SMOC1: variants seen among roughly 807,000 people sequenced by gnomAD.
SMOC1 encodes the protein SPARC-related modular calcium-binding protein 1.
In SMOC1, 22 loss-of-function variants were observed where a neutral mutation model predicts 56.3. The ratio of observed to expected loss-of-function variants is 0.39; its 90% CI spans 0.28 to 0.56. The LOEUF (loss-of-function observed/expected upper bound fraction) is 0.56, where lower values mean the gene tolerates loss of function less well. Among genes scored for constraint, SMOC1 ranks in the 20% least tolerant of loss-of-function variants. The probability of loss-of-function intolerance (pLI) is 0.61; values close to 1 mark genes in which losing one functional copy is unlikely to be tolerated. For synonymous variants in SMOC1, 193 were observed against 215.0 expected (o/e 0.90, Z 0.89); for missense variants, 509 against 565.4 (o/e 0.90, Z 1.01).
intron 3 of SMOC1, among the ~76,000 whole-genome samples, chr14:69,966,948 T>C (rs1201212792): frequency 6.6e-6 from 1 of 152,252 alleles, no homozygotes; most frequent in Non-Finnish European, 1.5e-5. Context: ...TCTTTCCATC[T>C]GGCCTCCTTC....
At chr14:69,922,943 T>TTTTTTTTG (rs1884889123) in intron 1 of SMOC1, among the ~76,000 whole-genome samples, 1 of 151,170 alleles carries the variant, frequency 6.6e-6, no homozygotes, top group African/African-American at 2.4e-5. Context: ...TTTTTTTTGT[T>TTTTTTTTG]TTTTTTGTTT....
chr14:70,022,514 A>G (rs540886628), intron 10 of SMOC1, among the ~76,000 whole-genome samples: 1 of 152,106 alleles, frequency 6.6e-6, no homozygotes, highest in Admixed American at 6.5e-5. Context: ...GGCTGGAGAG[A>G]CTCATCCCCA....
chr14:69,952,144 A>G lies in SMOC1; in HGVS notation c.106A>G (p.Ile36Val). 1 of 1,614,146 alleles carries G rather than the reference A, an allele frequency of 6.2e-7. No homozygotes were observed. Among genetic ancestry groups the G allele is most frequent in the South Asian group, 1.1e-5 (1 of 91,084 alleles). The change falls in exon 2 of 12, where the codon ATA becomes GTA. Residue 36 changes from isoleucine to valine, a missense_variant. Ile to Val is a conservative substitution (Grantham distance 29). This residue lies in a region of SMOC1 where 315 missense variants were observed against 333.1 expected (regional missense o/e 0.95). Coordinates refer to ENST00000361956, the MANE Select transcript of SMOC1 (RefSeq NM_001034852.3). ...TCACTTTTTTCCAACCTAGTTTCTA[A>G]TAAGTGACCGTGACCCACAGTGCAA... Reference protein sequence around the residue: ...GHRTTGPRFLISDRDPQCNLH... With the variant: ...GHRTTGPRFLVSDRDPQCNLH...
chr14:69,966,161 A>G (rs1271372067), intron 3 of SMOC1, among the ~76,000 whole-genome samples: 1 of 152,176 alleles, frequency 6.6e-6, no homozygotes, highest in Non-Finnish European at 1.5e-5. Context: ...CTTATTATGT[A>G]CTTTTTAAAC....
intron 1 of SMOC1, among the ~76,000 whole-genome samples, chr14:69,882,258 G>A (rs1001829171): frequency 6.6e-6 from 1 of 152,122 alleles, no homozygotes; most frequent in East Asian, 1.9e-4. Flanking sequence ...CCCTGTGGGC[G>A]CTCCTAAGTC....
intron 1 of SMOC1, among the ~76,000 whole-genome samples, chr14:69,926,772 A>G (rs1382044399): frequency 6.6e-6 from 1 of 152,204 alleles, no homozygotes; most frequent in Non-Finnish European, 1.5e-5. Context: ...AAGAGCCATA[A>G]TTGGGTGTGG....
At chr14:69,957,694 A>G (rs1234992401) in intron 3 of SMOC1, among the ~76,000 whole-genome samples, 1 of 152,260 alleles carries the variant, frequency 6.6e-6, no homozygotes, top group Non-Finnish European at 1.5e-5. Flanking sequence ...ACATAATAGT[A>G]TAATGAACAT....
intron 1 of SMOC1, among the ~76,000 whole-genome samples, chr14:69,898,493 G>A (rs1269515666): frequency 6.9e-6 from 1 of 145,174 alleles, no homozygotes; most frequent in Non-Finnish European, 1.5e-5. Flanking sequence ...TTTTCTCTTT[G>A]CTTTTCAGTT....
chr14:69,899,733 C>A (rs1884192777), intron 1 of SMOC1, among the ~76,000 whole-genome samples: 1 of 152,178 alleles, frequency 6.6e-6, no homozygotes, highest in South Asian at 2.1e-4. Flanking sequence ...CCCCCTAAGT[C>A]TAGGTGCCCT....
chr14:69,900,480 T>C (rs1361908220), intron 1 of SMOC1, among the ~76,000 whole-genome samples: 1 of 152,240 alleles, frequency 6.6e-6, no homozygotes. Flanking sequence ...ACAGCACTTA[T>C]AACACTTATC....
In SMOC1 at chr14:69,908,194, A is replaced by AGAC. The variant is rs1295556417; in HGVS notation, c.99+28417_99+28418insGAC. On this transcript the variant is annotated intron_variant, in intron 1 of 11. Coordinates refer to ENST00000361956, the MANE Select transcript of SMOC1 (RefSeq NM_001034852.3). Reference sequence around the variant, plus strand: ...ATTGTAGAGACCCATTTTGTAAAGGACCAATATGCACAGAAAAAAGAGTAC... The same window carrying AGAC: ...ATTGTAGAGACCCATTTTGTAAAGGAGACCCAATATGCACAGAAAAAAGAGTAC... 2.2e-3 allele frequency among the ~76,000 whole-genome samples: 335 copies of AGAC among 152,338 alleles called. 1 individual carries two copies. The highest frequency in any genetic ancestry group is 7.6e-3 in the African/African-American group (318 of 41,578).
In SMOC1 at chr14:70,004,849, A is replaced by T. The variant is rs1252024652; in HGVS notation, c.665-5905A>T. Among the ~76,000 whole-genome samples, 9 of 152,310 alleles carry T rather than the reference A, an allele frequency of 5.9e-5. No homozygotes were observed. In the East Asian group the frequency reaches 1.7e-3, roughly 29 times the overall value. ...TTCTGTTGGTTCTCTTTCTCTGCAG[A>T]ACCCTGAGTGACACAGACCTTCTCT... On this transcript the variant is annotated intron_variant, in intron 7 of 11. Transcript: ENST00000361956.
chr14:69,953,084 G>T (rs1000262109), intron 2 of SMOC1, among the ~76,000 whole-genome samples: 1 of 152,174 alleles, frequency 6.6e-6, no homozygotes, highest in Admixed American at 6.5e-5. Flanking sequence ...CATAAGACAT[G>T]GTTGAGCCCC....
At position 70,010,874 on chromosome 14, in the gene SMOC1, G is replaced by C; in HGVS notation, c.785G>C (p.Cys262Ser). The C allele has an allele frequency of 6.2e-7, 1 of 1,614,044 alleles. No homozygotes were observed. Among genetic ancestry groups the C allele is most frequent in the Non-Finnish European group, 8.5e-7 (1 of 1,180,032 alleles). The change falls in exon 8 of 12, where the codon TGC (cysteine) becomes TCC (serine). Residue 262 changes from cysteine to serine, a missense_variant. Around this residue, in one of 3 missense-constraint regions of SMOC1, gnomAD observed 18 missense variants for 44.2 expected, o/e 0.41. Coordinates refer to ENST00000361956, the MANE Select transcript of SMOC1 (RefSeq NM_001034852.3). Reference protein sequence around the residue: ...APGGLYKPVQCHQSTGYCWCV... With the variant: ...APGGLYKPVQSHQSTGYCWCV... ...GGGGGACTCTATAAGCCAGTGCAATGCCACCAGTCCACTGGCTACTGCTGG... is the reference window on the plus strand; with the variant it reads ...GGGGGACTCTATAAGCCAGTGCAATCCCACCAGTCCACTGGCTACTGCTGG...
chr14:70,002,911 C>T (rs1458551171), intron 7 of SMOC1, among the ~76,000 whole-genome samples: 3 of 152,216 alleles, frequency 2.0e-5, no homozygotes, highest in Non-Finnish European at 4.4e-5. Flanking sequence ...GCTAATCCTT[C>T]TGAAACAGCA....
At chr14:69,951,129 A>C (rs7148145) in intron 1 of SMOC1, among the ~76,000 whole-genome samples, 67,707 of 152,002 alleles carry the variant, frequency 0.45, 16,144 homozygotes, top group African/African-American at 0.62. Context: ...GGGCTTCCTC[A>C]TAATATGGTG....
intron 1 of SMOC1, among the ~76,000 whole-genome samples, chr14:69,919,692 G>A: frequency 6.6e-6 from 1 of 152,186 alleles, no homozygotes; most frequent in East Asian, 1.9e-4. Context: ...AAGCTGCAAT[G>A]GGAGTTGGGT....
At chr14:69,957,823 A>G (rs1333968845) in intron 3 of SMOC1, among the ~76,000 whole-genome samples, 1 of 152,166 alleles carries the variant, frequency 6.6e-6, no homozygotes, top group Admixed American at 6.5e-5. Flanking sequence ...CACGCACAGT[A>G]TCTTTTCATC....
chr14:69,982,671 C>T (rs1884222283), intron 5 of SMOC1, among the ~76,000 whole-genome samples: 2 of 152,230 alleles, frequency 1.3e-5, no homozygotes, highest in Admixed American at 1.3e-4. Context: ...AATGTCACTC[C>T]TGCTCACATG....
Sources: gnomAD v4.1 joint callset for allele counts (sites outside exome capture counted in the v4.1 genomes callset) on GRCh38, gnomAD v4.1.1 for gene constraint, gnomAD v4.1.1 regional missense constraint, MANE v1.5 for transcripts, NCBI Gene and HGNC (gene_info 2026-07-23, HGNC 2026-07-21) for gene names.